The following PTPRF variants were observed in gnomAD, a reference collection of about 807,000 sequenced individuals.
PTPRF encodes the protein receptor-type tyrosine-protein phosphatase F.
A neutral mutation model predicts 201.8 loss-of-function variants in PTPRF; 59 were observed. The observed-to-expected ratio is 0.29, with a 90% CI of 0.24 to 0.36. The LOEUF (loss-of-function observed/expected upper bound fraction) is 0.36. PTPRF is among the 10% of genes least tolerant of loss of function. PTPRF has a pLI of 1.00. For synonymous variants in PTPRF, 1,088 were observed against 1,089.7 expected (o/e 1.00, Z 0.03); for missense variants, 2,132 against 2,690.5 (o/e 0.79, Z 4.59).
intron 6 of PTPRF, among the ~76,000 whole-genome samples, chr1:43,572,767 C>CTG (rs906705357): frequency 3.3e-5 from 5 of 152,172 alleles, no homozygotes; most frequent in Admixed American, 6.5e-5. Flanking sequence ...GTAGGACAGG[C>CTG]TGTGATTACC....
chr1:43,613,739 A>G (rs755718408), intron 23 of PTPRF, 24 bp downstream of exon 23: 4 of 1,598,088 alleles, frequency 2.5e-6, no homozygotes, highest in Non-Finnish European at 2.6e-6. Context: ...GCCCCCTACC[A>G]TGTGCCTGGC....
At chr1:43,552,622 T>C (rs74070609) in intron 3 of PTPRF, among the ~76,000 whole-genome samples, 4,748 of 152,164 alleles carry the variant, frequency 0.031, 257 homozygotes, top group African/African-American at 0.11. Flanking sequence ...TAATAGGAAA[T>C]GGATCAGCTG....
intron 5 of PTPRF, among the ~76,000 whole-genome samples, chr1:43,568,565 G>T (rs1361857511): frequency 6.6e-6 from 1 of 152,188 alleles, no homozygotes; most frequent in African/African-American, 2.4e-5. Context: ...ACAGATAAAG[G>T]AGACAAAGAA....
chr1:43,598,231 C>A, intron 12 of PTPRF, 178 bp downstream of exon 12: 2 of 620,268 alleles, frequency 3.2e-6, no homozygotes, highest in Non-Finnish European at 5.1e-6. Context: ...CAAATCCCAG[C>A]CTTTGGGGCT....
chr1:43,603,933 G>A lies in PTPRF; in HGVS notation c.2781G>A (p.Leu927=). 1 of 1,614,098 alleles carries A rather than the reference G, an allele frequency of 6.2e-7. No homozygotes were observed. Among genetic ancestry groups the A allele is most frequent in the Admixed American group, 1.7e-5 (1 of 60,028 alleles). ...CCCAAAACCTGCATGTGACAGGACT[G>A]ACCACGTCTACCACAGAACTGGCCT... The part of the protein sequence containing the change: ...GFPQNLHVTG[L]TTSTTELAWD... The change falls in exon 16 of 34, where the codon CTG becomes CTA. Residue 927 remains leucine, a synonymous_variant. Transcript: ENST00000359947. This position sits in a 1 kb window ranked among gnomAD's most constrained non-coding sequence, Gnocchi z 5.8.
At chr1:43,600,588 C>G (rs962085878) in intron 13 of PTPRF, among the ~76,000 whole-genome samples, 36 of 151,914 alleles carry the variant, frequency 2.4e-4, no homozygotes, top group Non-Finnish European at 3.8e-4. Flanking sequence ...CTGTCCTTCA[C>G]GCAACAGCAC....
chr1:43,602,621 A>G (rs1293262358), intron 14 of PTPRF, among the ~76,000 whole-genome samples: 1 of 129,312 alleles, frequency 7.7e-6, no homozygotes, highest in Non-Finnish European at 1.8e-5. Flanking sequence ...TTCCCACTGC[A>G]CGGTGGTCCC....
At chr1:43,548,708 G>GGGTACC (rs1438288196) in intron 3 of PTPRF, among the ~76,000 whole-genome samples, 2 of 152,152 alleles carry the variant, frequency 1.3e-5, no homozygotes, top group Non-Finnish European at 2.9e-5. Context: ...GGCTCCAGGG[G>GGGTACC]GGTACCAGGA....
chr1:43,597,684 C>T (rs1652688354), intron 11 of PTPRF, 64 bp from the exon 12 acceptor site: 1 of 1,161,770 alleles, frequency 8.6e-7, no homozygotes, highest in Admixed American at 2.0e-5. Flanking sequence ...CACTGTGACT[C>T]AGTCATTGTG....
chr1:43,606,715 G>A, intron 20 of PTPRF, 99 bp from the exon 21 acceptor site: 2 of 1,504,036 alleles, frequency 1.3e-6, no homozygotes, highest in African/African-American at 1.4e-5. Context: ...CCAGGCCCAG[G>A]GTAACCCAGA....
chr1:43,563,221 C>T (rs566025622), intron 5 of PTPRF, among the ~76,000 whole-genome samples: 3 of 150,426 alleles, frequency 2.0e-5, no homozygotes, highest in Non-Finnish European at 4.4e-5. Flanking sequence ...AGAGGCCTGC[C>T]TGGCTACCTG....
At chr1:43,581,098 C>G (rs992977960) in intron 7 of PTPRF, among the ~76,000 whole-genome samples, 1 of 152,250 alleles carries the variant, frequency 6.6e-6, no homozygotes, top group African/African-American at 2.4e-5. Flanking sequence ...AGCTCAGTCA[C>G]TGCCCAGGGA....
chr1:43,609,933 C>T (rs1480681885), intron 22 of PTPRF, among the ~76,000 whole-genome samples: 1 of 152,202 alleles, frequency 6.6e-6, no homozygotes, highest in Non-Finnish European at 1.5e-5. Context: ...CCTGAGCCTT[C>T]CTGGAGGCCG....
chr1:43,603,409 C>G lies in PTPRF; in HGVS notation c.2341-7C>G, dbSNP rs1570551587. 1 of 1,612,522 alleles carries G rather than the reference C, an allele frequency of 6.2e-7. No homozygotes were observed. The highest frequency in any genetic ancestry group is 2.2e-5 in the East Asian group (1 of 44,860). ...GTGATGGGAACGAACCCCTCCTCCT[C>G]CCTCAGGAAACCACTATCAGCGGCC... On this transcript the variant is annotated splice_region_variant and splice_polypyrimidine_tract_variant and intron_variant, in intron 14 of 33. Transcript: ENST00000359947. This position sits in a 1 kb window ranked among gnomAD's most constrained non-coding sequence, Gnocchi z 5.8.
intron 9 of PTPRF, 32 bp downstream of exon 9, chr1:43,591,585 C>G: frequency 6.5e-7 from 1 of 1,527,512 alleles, no homozygotes; most frequent in Non-Finnish European, 8.8e-7. Context: ...GGGCAGCCAA[C>G]AGCAGAGAAG....
At chr1:43,566,141 G>A (rs1346992814) in intron 5 of PTPRF, among the ~76,000 whole-genome samples, 1 of 152,198 alleles carries the variant, frequency 6.6e-6, no homozygotes, top group African/African-American at 2.4e-5. Flanking sequence ...GAGGCGTGGT[G>A]TGGGGGAGGC....
At chr1:43,604,233 T>C (rs1355200235) in intron 16 of PTPRF, 44 bp downstream of exon 16, 2 of 1,575,338 alleles carry the variant, frequency 1.3e-6, no homozygotes, top group Non-Finnish European at 1.7e-6. Context: ...TGTGGCTGCA[T>C]CTGGGGGTCT....
chr1:43,610,205 G>A (rs1285147354), intron 22 of PTPRF, among the ~76,000 whole-genome samples: 1 of 152,194 alleles, frequency 6.6e-6, no homozygotes, highest in Non-Finnish European at 1.5e-5. Context: ...GCCAGGAACT[G>A]TGTCTTGTCA....
intron 6 of PTPRF, among the ~76,000 whole-genome samples, chr1:43,577,622 C>T (rs1025902899): frequency 6.6e-6 from 1 of 152,208 alleles, no homozygotes; most frequent in South Asian, 2.1e-4. Context: ...GGAACTCTTC[C>T]TCTGGCTCCT....
Sources: allele counts gnomAD v4.1 joint callset (sites outside exome capture counted in the v4.1 genomes callset), GRCh38; gene constraint gnomAD v4.1.1; non-coding constraint Gnocchi (gnomAD v3.1); transcripts MANE v1.5; gene names NCBI Gene and HGNC (gene_info 2026-07-23, HGNC 2026-07-21).